The following SDK1 variants were observed in gnomAD, a reference collection of about 807,000 sequenced individuals.
SDK1 encodes protein sidekick-1.
Under a neutral mutation model 245.5 loss-of-function variants are expected in SDK1, and 157 were observed. That is an observed-to-expected ratio of 0.64 (90% confidence interval 0.56 to 0.73). The LOEUF (loss-of-function observed/expected upper bound fraction) is 0.73. Ranked by LOEUF, SDK1 falls within the 30% of genes least tolerant of loss-of-function variation. SDK1 has a pLI of 0.00. For missense variants in SDK1, 3,583 were observed against 3,002.3 expected, an observed-to-expected ratio of 1.19 and a Z score of -4.52; for synonymous variants, 1,647 against 1,278.5, an observed-to-expected ratio of 1.29 and a Z score of -6.15.
At chr7:3,323,145 G>A (rs1168883111) in intron 1 of SDK1, among the ~76,000 whole-genome samples, 1 of 152,020 alleles carries the variant, frequency 6.6e-6, no homozygotes, top group Non-Finnish European at 1.5e-5. Context: ...CTGTGATGCT[G>A]TCTCCTAGCC....
At chr7:3,978,256 A>C (rs1783126033) in intron 13 of SDK1, among the ~76,000 whole-genome samples, 1 of 152,220 alleles carries the variant, frequency 6.6e-6, no homozygotes, top group African/African-American at 2.4e-5. Context: ...AGCAGAAGCC[A>C]AATTGCATAC....
chr7:3,743,318 G>A (rs534340708), intron 4 of SDK1, among the ~76,000 whole-genome samples: 4 of 152,120 alleles, frequency 2.6e-5, no homozygotes, highest in Non-Finnish European at 4.4e-5. Context: ...TTTGAGACTC[G>A]GGTTCTGTGG....
intron 1 of SDK1, among the ~76,000 whole-genome samples, chr7:3,590,173 A>T (rs942189777): frequency 6.6e-6 from 1 of 152,212 alleles, no homozygotes; most frequent in Non-Finnish European, 1.5e-5. Context: ...TGTGCTCCCA[A>T]ACCTTTGGGT....
intron 25 of SDK1, among the ~76,000 whole-genome samples, chr7:4,116,711 CAGG>C (rs908106431): frequency 6.6e-6 from 1 of 152,204 alleles, no homozygotes; most frequent in Non-Finnish European, 1.5e-5. Context: ...TGAGGGTAGA[CAGG>C]AGGACTCTTA....
At chr7:4,077,605 C>T (rs931524624) in intron 21 of SDK1, among the ~76,000 whole-genome samples, 5 of 152,310 alleles carry the variant, frequency 3.3e-5, no homozygotes, top group East Asian at 1.9e-4. Context: ...CTTACAGTTC[C>T]GTATGGTTGG....
chr7:3,540,585 A>G (rs1297227685), intron 1 of SDK1, among the ~76,000 whole-genome samples: 3 of 152,348 alleles, frequency 2.0e-5, no homozygotes, highest in African/African-American at 2.4e-5. Context: ...GACATCTGCT[A>G]TGATATGTGC....
chr7:3,691,329 C>G (rs1171359933), intron 4 of SDK1, among the ~76,000 whole-genome samples: 2 of 152,130 alleles, frequency 1.3e-5, no homozygotes, highest in African/African-American at 4.8e-5. Context: ...GGCTCTTACT[C>G]GAAGTACAAG....
intron 1 of SDK1, among the ~76,000 whole-genome samples, chr7:3,466,463 C>T (rs938176087): frequency 1.4e-5 from 2 of 144,508 alleles, no homozygotes; most frequent in Non-Finnish European, 3.0e-5. Flanking sequence ...ATCTAGTATG[C>T]GTCCTAATCT....
intron 1 of SDK1, among the ~76,000 whole-genome samples, chr7:3,435,403 T>A (rs1446044539): frequency 1.4e-5 from 2 of 139,110 alleles, no homozygotes; most frequent in Admixed American, 7.9e-5. Context: ...TGATCTCAGC[T>A]CACTGCAACC....
intron 4 of SDK1, among the ~76,000 whole-genome samples, chr7:3,700,909 C>T (rs1179824729): frequency 2.0e-5 from 3 of 152,050 alleles, no homozygotes; most frequent in Non-Finnish European, 2.9e-5. Flanking sequence ...ATTATAGGAA[C>T]CCATTCTCTT....
At chr7:3,872,190 A>G (rs1207903674) in intron 5 of SDK1, among the ~76,000 whole-genome samples, 1 of 152,150 alleles carries the variant, frequency 6.6e-6, no homozygotes, top group Non-Finnish European at 1.5e-5. Context: ...TTCTGGATTC[A>G]TTTTACTAAC....
chr7:3,419,043 T>G (rs554817574), intron 1 of SDK1, among the ~76,000 whole-genome samples: 1 of 152,348 alleles, frequency 6.6e-6, no homozygotes, highest in South Asian at 2.1e-4. Context: ...AAAGATGACA[T>G]TTACATGGTT....
intron 1 of SDK1, among the ~76,000 whole-genome samples, chr7:3,310,898 G>C (rs533341143): frequency 6.6e-6 from 1 of 152,304 alleles, no homozygotes; most frequent in South Asian, 2.1e-4. Flanking sequence ...TAATGATTCT[G>C]CCTGCTTCCT....
At chr7:4,233,063 C>T (rs561885985) in intron 40 of SDK1, 192 bp from the exon 41 acceptor site, 11 of 562,430 alleles carry the variant, frequency 2.0e-5, no homozygotes, top group Middle Eastern at 3.9e-4. Context: ...ATCATCACAC[C>T]ATTCATCTCC....
At chr7:4,114,806 T>G (rs2128192053) in intron 25 of SDK1, among the ~76,000 whole-genome samples, 1 of 152,318 alleles carries the variant, frequency 6.6e-6, no homozygotes, top group East Asian at 1.9e-4. Flanking sequence ...TTTACCGTTC[T>G]GTGGGACTAA....
intron 4 of SDK1, among the ~76,000 whole-genome samples, chr7:3,656,597 G>A (rs1783192062): frequency 6.6e-6 from 1 of 152,106 alleles, no homozygotes; most frequent in Non-Finnish European, 1.5e-5. Flanking sequence ...TGCTTCTGGT[G>A]ACACTGCAGG....
At chr7:3,412,050 A>G (rs1779224721) in intron 1 of SDK1, among the ~76,000 whole-genome samples, 1 of 152,200 alleles carries the variant, frequency 6.6e-6, no homozygotes, top group African/African-American at 2.4e-5. Flanking sequence ...GGACATTGCC[A>G]GCAAAGATGG....
intron 2 of SDK1, among the ~76,000 whole-genome samples, chr7:3,620,419 C>A (rs771106785): frequency 6.6e-6 from 1 of 152,040 alleles, no homozygotes; most frequent in African/African-American, 2.4e-5. Flanking sequence ...TCTCCTGCCT[C>A]AGCCTCCCAA....
chr7:3,962,112 AAC>A (rs1380850474), intron 8 of SDK1, among the ~76,000 whole-genome samples: 5 of 152,162 alleles, frequency 3.3e-5, no homozygotes, highest in Non-Finnish European at 7.4e-5. Context: ...CAGACACACA[AAC>A]ACATCCAATC....
Sources: gnomAD v4.1 joint callset for allele counts (sites outside exome capture counted in the v4.1 genomes callset) on GRCh38, gnomAD v4.1.1 for gene constraint, MANE v1.5 for transcripts, NCBI Gene and HGNC (gene_info 2026-07-23, HGNC 2026-07-21) for gene names.